Variants in TENM2 observed in about 807,000 individuals in gnomAD.
TENM2 encodes teneurin transmembrane protein 2.
Under a neutral mutation model 245.2 loss-of-function variants are expected in TENM2, and 52 were observed. That is an observed-to-expected ratio of 0.21 (90% CI 0.17 to 0.27). TENM2 has a LOEUF of 0.27. TENM2 is among the 10% of genes least tolerant of loss of function. The pLI, the probability that TENM2 is intolerant of heterozygous loss-of-function variation, is 1.00. For missense variants in TENM2, 3,046 were observed against 3,666.8 expected, an observed-to-expected ratio of 0.83 and a Z score of 4.37; for synonymous variants, 1,363 against 1,438.9, an observed-to-expected ratio of 0.95 and a Z score of 1.19.
chr5:167,365,526 A>G (rs1358821632), intron 1 of TENM2, among the ~76,000 whole-genome samples: 1 of 151,938 alleles, frequency 6.6e-6, no homozygotes, highest in Non-Finnish European at 1.5e-5. Flanking sequence ...TGATCAATTT[A>G]AAAAAAGAAA....
chr5:167,542,944 C>T (rs557308271), intron 2 of TENM2, among the ~76,000 whole-genome samples: 13 of 152,274 alleles, frequency 8.5e-5, no homozygotes, highest in African/African-American at 3.1e-4. Flanking sequence ...CGTCACATGA[C>T]TATATTTGTC....
intron 1 of TENM2, among the ~76,000 whole-genome samples, chr5:167,366,426 T>C (rs1020043731): frequency 6.6e-6 from 1 of 152,160 alleles, no homozygotes; most frequent in South Asian, 2.1e-4. Context: ...GCTACATTTG[T>C]TTTTTGGTTA....
chr5:167,939,291 G>A (rs866560264), intron 3 of TENM2, among the ~76,000 whole-genome samples: 8 of 152,278 alleles, frequency 5.3e-5, no homozygotes, highest in South Asian at 4.2e-4. Flanking sequence ...GAACGTTCAC[G>A]TGTGCAGTTC....
chr5:168,031,787 G>A (rs897223531), intron 5 of TENM2, among the ~76,000 whole-genome samples: 1 of 148,200 alleles, frequency 6.7e-6, no homozygotes, highest in Non-Finnish European at 1.5e-5. Flanking sequence ...GAGGGAAGGA[G>A]GGAAGGAGGA....
intron 2 of TENM2, among the ~76,000 whole-genome samples, chr5:167,697,087 G>C (rs1440459451): frequency 6.6e-6 from 1 of 152,074 alleles, no homozygotes; most frequent in Non-Finnish European, 1.5e-5. Flanking sequence ...CCTGGTTCTT[G>C]CCTGTCTTTA....
chr5:167,414,474 G>T (rs1007972320), intron 2 of TENM2, among the ~76,000 whole-genome samples: 1 of 152,038 alleles, frequency 6.6e-6, no homozygotes, highest in Admixed American at 6.6e-5. Flanking sequence ...GATAAAATTG[G>T]TTCTGATATG....
chr5:167,250,459 G>C, the TENM2 span, among the ~76,000 whole-genome samples: 1 of 152,104 alleles, frequency 6.6e-6, no homozygotes, highest in Non-Finnish European at 1.5e-5. Flanking sequence ...TATTGAAATT[G>C]ATTTCACCTT....
At chr5:168,077,648 A>G (rs970156848) in intron 7 of TENM2, among the ~76,000 whole-genome samples, 3 of 152,090 alleles carry the variant, frequency 2.0e-5, no homozygotes, top group Admixed American at 1.3e-4. Flanking sequence ...TCATTGTTCA[A>G]TTCCCATCTA....
intron 2 of TENM2, among the ~76,000 whole-genome samples, chr5:167,423,749 T>C (rs1478881688): frequency 6.6e-6 from 1 of 152,216 alleles, no homozygotes; most frequent in African/African-American, 2.4e-5. Context: ...CTTTGCTTTA[T>C]GTTAGCAATT....
intron 2 of TENM2, among the ~76,000 whole-genome samples, chr5:167,668,430 A>T (rs1320878404): frequency 6.6e-6 from 1 of 152,162 alleles, no homozygotes; most frequent in African/African-American, 2.4e-5. Flanking sequence ...AAAACGTTCC[A>T]CAAATGTTAA....
the TENM2 span, among the ~76,000 whole-genome samples, chr5:167,147,551 A>G: frequency 1.3e-5 from 2 of 152,092 alleles, no homozygotes; most frequent in Non-Finnish European, 2.9e-5. Flanking sequence ...GTGGCCAAAT[A>G]CCCACCTTTC....
intron 2 of TENM2, among the ~76,000 whole-genome samples, chr5:167,709,952 G>T (rs1432144053): frequency 3.3e-5 from 5 of 152,140 alleles, no homozygotes; most frequent in Admixed American, 1.3e-4. Flanking sequence ...GCAGAGTTTT[G>T]GAGTAAAAAT....
At chr5:167,628,144 A>C (rs1331661090) in intron 2 of TENM2, among the ~76,000 whole-genome samples, 2 of 152,180 alleles carry the variant, frequency 1.3e-5, no homozygotes, top group African/African-American at 4.8e-5. Flanking sequence ...CTAAGAGCTC[A>C]TGTGCATTTA....
At chr5:168,095,902 TC>T in intron 8 of TENM2, among the ~76,000 whole-genome samples, 1 of 152,134 alleles carries the variant, frequency 6.6e-6, no homozygotes. Flanking sequence ...CATGTTCTGT[TC>T]CCCAAGCCCC....
chr5:168,183,875 A>G (rs887429583), intron 13 of TENM2, among the ~76,000 whole-genome samples: 1 of 152,030 alleles, frequency 6.6e-6, no homozygotes, highest in African/African-American at 2.4e-5. Flanking sequence ...ATGACTCAGA[A>G]GCACTTAGTA....
chr5:167,792,237 C>T (rs1021488026), intron 2 of TENM2, among the ~76,000 whole-genome samples: 1 of 151,982 alleles, frequency 6.6e-6, no homozygotes, highest in African/African-American at 2.4e-5. Flanking sequence ...CTCTTCCCAG[C>T]TCACAATTTT....
At chr5:167,129,739 A>G in the TENM2 span, among the ~76,000 whole-genome samples, 1 of 152,218 alleles carries the variant, frequency 6.6e-6, no homozygotes, top group East Asian at 1.9e-4. Context: ...GAAAACCGTT[A>G]AACTGTCAAT....
At chr5:167,600,268 T>TA (rs559241834) in intron 2 of TENM2, among the ~76,000 whole-genome samples, 27 of 151,974 alleles carry the variant, frequency 1.8e-4, no homozygotes, top group South Asian at 1.2e-3. Context: ...ATTTTTACAT[T>TA]AAAAAAATAT....
intron 3 of TENM2, among the ~76,000 whole-genome samples, chr5:167,950,847 A>T (rs1201182750): frequency 6.6e-6 from 1 of 152,236 alleles, no homozygotes; most frequent in Non-Finnish European, 1.5e-5. Context: ...GATATATTTA[A>T]AATGTCACTG....
Sources: allele counts gnomAD v4.1 joint callset (sites outside exome capture counted in the v4.1 genomes callset), GRCh38; gene constraint gnomAD v4.1.1; transcripts MANE v1.5; gene names NCBI Gene and HGNC (gene_info 2026-07-23, HGNC 2026-07-21).